LIPI: variants seen among roughly 807,000 people sequenced by gnomAD.
LIPI encodes the protein lipase member I.
Under a neutral mutation model 50.6 loss-of-function variants are expected in LIPI, and 59 were observed. The observed-to-expected ratio is 1.16, with a 90% CI of 0.94 to 1.45. The LOEUF (loss-of-function observed/expected upper bound fraction) is 1.45, where lower values mean the gene tolerates loss of function less well. Among genes scored for constraint, LIPI ranks in the 40% most tolerant of loss-of-function variants. LIPI has a pLI of 0.00. For synonymous variants in LIPI, 203 were observed against 178.2 expected (o/e 1.14, Z -1.11); for missense variants, 586 against 536.3 (o/e 1.09, Z -0.92).
At chr21:14,166,956 T>TAGTCAAAG (rs2018708876) in intron 4 of LIPI, among the ~76,000 whole-genome samples, 1 of 152,206 alleles carries the variant, frequency 6.6e-6, no homozygotes, top group African/African-American at 2.4e-5. Context: ...TTCCCTTTCC[T>TAGTCAAAG]AGTCAAAGAA....
At position 14,189,210 on chromosome 21, in the gene LIPI, CT is replaced by C; in HGVS notation, c.255del (p.Val86Ter). 6.2e-7 allele frequency: 1 copy of C among 1,613,962 alleles called. No homozygotes were observed. The highest frequency in any genetic ancestry group is 8.5e-7 in the Non-Finnish European group (1 of 1,179,866). Reference sequence around the variant, plus strand: ...TGAAGCCATAATGGGATGGAGCCTACTGGTCTGTATCCGTGAATAAGCCAGA... The same window carrying C: ...TGAAGCCATAATGGGATGGAGCCTACGGTCTGTATCCGTGAATAAGCCAGA... ...KTVWLIHGYRPVGSIPLWLQN... is the reference protein window; with the variant it reads ...KTVWLIHGYRXVGSIPLWLQN... On this transcript the variant is annotated frameshift_variant, in exon 2 of 10. Transcript: ENST00000681601. LOFTEE classifies it high-confidence loss of function.
intron 4 of LIPI, among the ~76,000 whole-genome samples, chr21:14,172,919 C>T (rs7283595): frequency 0.26 from 39,083 of 151,568 alleles, 5,316 homozygotes; most frequent in Middle Eastern, 0.34. Context: ...TCCTTGCAGT[C>T]GAAAATACTT....
intron 1 of LIPI, among the ~76,000 whole-genome samples, chr21:14,210,365 G>T (rs2020331403): frequency 6.6e-6 from 1 of 151,608 alleles, no homozygotes; most frequent in South Asian, 2.1e-4. Flanking sequence ...TGGTTATTTT[G>T]TTTGTTTTGC....
intron 9 of LIPI, among the ~76,000 whole-genome samples, chr21:14,129,204 G>A (rs1318715983): frequency 6.6e-6 from 1 of 151,868 alleles, no homozygotes; most frequent in Non-Finnish European, 1.5e-5. Flanking sequence ...TCAGGGAAGG[G>A]AAGAAAATGA....
intron 7 of LIPI, among the ~76,000 whole-genome samples, chr21:14,158,677 CAG>C (rs2018358490): frequency 6.7e-6 from 1 of 148,282 alleles, no homozygotes; most frequent in African/African-American, 2.5e-5. Flanking sequence ...AATTTAATAA[CAG>C]AACATGATAG....
intron 9 of LIPI, among the ~76,000 whole-genome samples, chr21:14,114,194 G>T (rs1209818273): frequency 7.0e-6 from 1 of 143,458 alleles, no homozygotes; most frequent in African/African-American, 2.5e-5. Flanking sequence ...AAAAAAAAAA[G>T]TTCTGATCTC....
At chr21:14,185,326 C>A (rs1246876274) in intron 3 of LIPI, among the ~76,000 whole-genome samples, 4 of 151,434 alleles carry the variant, frequency 2.6e-5, no homozygotes, top group African/African-American at 4.9e-5. Context: ...TAGTTATATT[C>A]TTAGCTAATA....
Position 14,144,732 on chromosome 21 carries a change from T to G in LIPI, c.1186A>C (p.Asn396His). ...TATGTCAAACCAATGCTTGAAATATTTACAAAGTCATTATAAAATTGAGCA... is the reference window on the plus strand; with the variant it reads ...TATGTCAAACCAATGCTTGAAATATGTACAAAGTCATTATAAAATTGAGCA... ...ILAQFYNDFV[N>H]ISSIGLTYFQ... The change falls in exon 9 of 10, where the codon AAT becomes CAT. Residue 396 changes from asparagine (N) to histidine (H), a missense_variant. Physicochemically the swap from Asn to His is moderately conservative, Grantham distance 68. Coordinates refer to ENST00000681601, the MANE Select transcript of LIPI (RefSeq NM_001302998.2). 1 of 1,576,580 alleles carries G rather than the reference T, an allele frequency of 6.3e-7. No homozygotes were observed. The highest frequency in any genetic ancestry group is 1.1e-5 in the South Asian group (1 of 90,226).
intron 7 of LIPI, among the ~76,000 whole-genome samples, chr21:14,155,233 G>T (rs1452737985): frequency 6.6e-6 from 1 of 151,972 alleles, no homozygotes; most frequent in East Asian, 1.9e-4. Context: ...ACTCAATAGT[G>T]AGTAGAGATA....
At chr21:14,166,287 A>G in intron 5 of LIPI, 75 bp downstream of exon 5, 2 of 878,048 alleles carry the variant, frequency 2.3e-6, no homozygotes, top group Non-Finnish European at 3.9e-6. Flanking sequence ...CTACAGATTA[A>G]GAGGGGAAAA....
At chr21:14,160,797 C>T (rs1380051984) in intron 7 of LIPI, among the ~76,000 whole-genome samples, 2 of 150,976 alleles carry the variant, frequency 1.3e-5, no homozygotes, top group Non-Finnish European at 3.0e-5. Flanking sequence ...AAGTCAACAG[C>T]TTAAAAAAAA....
chr21:14,122,054 A>G (rs1217490088), intron 9 of LIPI, among the ~76,000 whole-genome samples: 1 of 152,206 alleles, frequency 6.6e-6, no homozygotes, highest in South Asian at 2.1e-4. Flanking sequence ...TTTTGCTGTC[A>G]TGCTATCTTT....
chr21:14,123,765 T>G (rs2016948744), intron 9 of LIPI, among the ~76,000 whole-genome samples: 1 of 152,086 alleles, frequency 6.6e-6, no homozygotes, highest in South Asian at 2.1e-4. Context: ...AAAGCAGTAC[T>G]AGAGATCATA....
chr21:14,170,964 C>A (rs1356784513), intron 4 of LIPI, among the ~76,000 whole-genome samples: 1 of 151,728 alleles, frequency 6.6e-6, no homozygotes, highest in Non-Finnish European at 1.5e-5. Context: ...ATCTAGAAAA[C>A]CCCATTTTCT....
rs542500856 is a variant in LIPI, at chr21:14,184,906, T to G, written c.541+1055A>C. 4.6e-5 allele frequency among the ~76,000 whole-genome samples: 7 copies of G among 152,352 alleles called. No individual in the cohort carries two copies. The East Asian group carries it at 1.3e-3, about 29-fold the overall frequency. On this transcript the variant is annotated intron_variant, in intron 3 of 9. Coordinates refer to ENST00000681601, the MANE Select transcript of LIPI (RefSeq NM_001302998.2). The stretch of plus-strand genomic sequence containing the variant: ...AAACTAATCAGAGTAAGTAAGGGTA[T>G]GCATAAGGTTTGTAAAGATAACTAT...
In LIPI at chr21:14,150,144, G is replaced by A. The variant is rs369727761; in HGVS notation, c.1118+2429C>T. On this transcript the variant is annotated intron_variant, in intron 8 of 9. Transcript: ENST00000681601. Reference sequence around the variant, plus strand: ...ACACACCCTCTGAAATCTAGGTGGAGGTTCCCAAACCTCAATTCTTGTCTT... The same window carrying A: ...ACACACCCTCTGAAATCTAGGTGGAAGTTCCCAAACCTCAATTCTTGTCTT... Among the ~76,000 whole-genome samples the A allele has an allele frequency of 3.3e-4, 51 of 152,282 alleles. 1 individual carries two copies. In the South Asian group the frequency reaches 9.9e-3, roughly 30 times the overall value.
In LIPI at chr21:14,146,928, G is replaced by A. The variant is rs571385961; in HGVS notation, c.1119-2129C>T. Among the ~76,000 whole-genome samples, 82 of 151,760 alleles carry A rather than the reference G, an allele frequency of 5.4e-4. 1 individual carries two copies. The South Asian group carries it at 0.016, about 29-fold the overall frequency. ...TGAGCAGCTGGGACTACAGGCACAC[G>A]CCACCACACCCAGCTAATTTTTGTA... On this transcript the variant is annotated intron_variant, in intron 8 of 9. Transcript: ENST00000681601.
At chr21:14,167,062 C>T (rs773245142) in intron 4 of LIPI, among the ~76,000 whole-genome samples, 5 of 152,222 alleles carry the variant, frequency 3.3e-5, no homozygotes, top group Non-Finnish European at 7.3e-5. Context: ...GAGATTATAT[C>T]CCACACATGG....
At chr21:14,183,595 C>T (rs543086666) in intron 3 of LIPI, among the ~76,000 whole-genome samples, 2 of 152,096 alleles carry the variant, frequency 1.3e-5, no homozygotes, top group Admixed American at 6.6e-5. Context: ...GGGCTAATAT[C>T]CAAAATCTAC....
Sources: allele counts gnomAD v4.1 joint callset (sites outside exome capture counted in the v4.1 genomes callset), GRCh38; gene constraint gnomAD v4.1.1; transcripts MANE v1.5; gene names NCBI Gene and HGNC (gene_info 2026-07-23, HGNC 2026-07-21).